Variants in SNTG1 observed in about 807,000 individuals in gnomAD.
SNTG1 encodes the protein gamma-1-syntrophin.
A neutral mutation model predicts 74.7 loss-of-function variants in SNTG1; 39 were observed. That is an observed-to-expected ratio of 0.52 (90% CI 0.40 to 0.68). SNTG1 has a LOEUF of 0.68. Ranked by LOEUF, SNTG1 falls within the 30% of genes least tolerant of loss-of-function variation. SNTG1 has a pLI of 0.00. For synonymous variants in SNTG1, 254 were observed against 217.1 expected (o/e 1.17, Z -1.49); for missense variants, 685 against 609.5 (o/e 1.12, Z -1.30).
At chr8:50,115,226 G>T (rs920302217) in intron 1 of SNTG1, among the ~76,000 whole-genome samples, 3 of 152,014 alleles carry the variant, frequency 2.0e-5, no homozygotes, top group African/African-American at 7.2e-5. Flanking sequence ...GGAGAGAATG[G>T]TGATTAAATT....
At chr8:50,282,702 G>T (rs1296072830) in intron 2 of SNTG1, among the ~76,000 whole-genome samples, 1 of 152,058 alleles carries the variant, frequency 6.6e-6, no homozygotes, top group Non-Finnish European at 1.5e-5. Flanking sequence ...GGAGGCGGAG[G>T]TTGCAGTGAG....
intron 1 of SNTG1, among the ~76,000 whole-genome samples, chr8:50,067,454 A>T (rs1820988111): frequency 6.6e-6 from 1 of 152,146 alleles, no homozygotes; most frequent in African/African-American, 2.4e-5. Context: ...TCCATTTCTG[A>T]TGTGGGATTT....
intron 15 of SNTG1, among the ~76,000 whole-genome samples, chr8:50,702,648 T>G (rs1398733839): frequency 6.6e-6 from 1 of 152,190 alleles, no homozygotes; most frequent in Non-Finnish European, 1.5e-5. Flanking sequence ...TGCATAGATA[T>G]AGCATATATA....
chr8:50,119,972 T>C (rs190769612), intron 1 of SNTG1, among the ~76,000 whole-genome samples: 1 of 142,258 alleles, frequency 7.0e-6, no homozygotes, highest in Admixed American at 7.2e-5. Context: ...TTACTTATCA[T>C]CAGTTTTGTT....
Position 50,300,056 on chromosome 8 carries a change from CT to C in SNTG1, c.-27-94149del, listed in dbSNP as rs527428114. On this transcript the variant is annotated intron_variant, in intron 2 of 18. Coordinates refer to ENST00000642720, the MANE Select transcript of SNTG1 (RefSeq NM_018967.5). The stretch of plus-strand genomic sequence containing the variant: ...GCTGAATAAATTTATTTTTAAAACA[CT>C]TTTTTTGAGATTAGTTTTAGTATCT... Among the ~76,000 whole-genome samples the C allele has an allele frequency of 5.0e-3, 754 of 152,086 alleles. 9 individuals are homozygous for C. The highest frequency in any genetic ancestry group is 0.017 in the African/African-American group (717 of 41,508).
At chr8:50,550,919 C>T in intron 11 of SNTG1, among the ~76,000 whole-genome samples, 1 of 152,110 alleles carries the variant, frequency 6.6e-6, no homozygotes, top group Middle Eastern at 3.4e-3. Flanking sequence ...CTTGATGAGA[C>T]AATAATTCTA....
intron 2 of SNTG1, among the ~76,000 whole-genome samples, chr8:50,200,512 A>G (rs2083944373): frequency 6.6e-6 from 1 of 152,190 alleles, no homozygotes; most frequent in African/African-American, 2.4e-5. Context: ...CTGTGTGGAA[A>G]GATGTGTACT....
chr8:50,101,471 C>T (rs1417877637), intron 1 of SNTG1, among the ~76,000 whole-genome samples: 1 of 152,030 alleles, frequency 6.6e-6, no homozygotes, highest in Non-Finnish European at 1.5e-5. Flanking sequence ...TAATAACCAT[C>T]TGGCTGATGT....
chr8:50,440,791 C>T (rs1471621053), intron 5 of SNTG1, among the ~76,000 whole-genome samples: 1 of 152,172 alleles, frequency 6.6e-6, no homozygotes, highest in African/African-American at 2.4e-5. Flanking sequence ...GTATGTTAGA[C>T]AACTGAAAAG....
At chr8:50,358,369 G>A (rs1317097466) in intron 2 of SNTG1, among the ~76,000 whole-genome samples, 1 of 152,170 alleles carries the variant, frequency 6.6e-6, no homozygotes, top group Non-Finnish European at 1.5e-5. Context: ...ACAAGCAAAG[G>A]TCAGGACCAA....
At chr8:50,760,493 T>C (rs1257449639) in intron 18 of SNTG1, among the ~76,000 whole-genome samples, 1 of 151,994 alleles carries the variant, frequency 6.6e-6, no homozygotes, top group Non-Finnish European at 1.5e-5. Context: ...AAATAGCTCT[T>C]ATTATTTTGA....
chr8:50,345,431 C>G (rs1221736099), intron 2 of SNTG1, among the ~76,000 whole-genome samples: 1 of 152,220 alleles, frequency 6.6e-6, no homozygotes, highest in Non-Finnish European at 1.5e-5. Context: ...GAACCCTACT[C>G]TGCCCTCTTG....
At chr8:50,067,845 G>A (rs933975458) in intron 1 of SNTG1, among the ~76,000 whole-genome samples, 5 of 152,224 alleles carry the variant, frequency 3.3e-5, no homozygotes, top group African/African-American at 9.6e-5. Context: ...TGCAGTACTC[G>A]GGCACACAGC....
At chr8:50,521,584 C>T (rs967065292) in intron 9 of SNTG1, among the ~76,000 whole-genome samples, 3 of 152,090 alleles carry the variant, frequency 2.0e-5, no homozygotes, top group Non-Finnish European at 4.4e-5. Flanking sequence ...TGAAGTTTGT[C>T]ACATTCATTA....
chr8:50,086,002 C>T (rs527880761), intron 1 of SNTG1, among the ~76,000 whole-genome samples: 3 of 151,814 alleles, frequency 2.0e-5, no homozygotes, highest in Non-Finnish European at 2.9e-5. Context: ...ATGATGAGTT[C>T]ATACCCAGAT....
intron 5 of SNTG1, among the ~76,000 whole-genome samples, chr8:50,447,280 G>A (rs886353220): frequency 1.3e-5 from 2 of 152,170 alleles, no homozygotes; most frequent in African/African-American, 4.8e-5. Flanking sequence ...AATGGGTTCA[G>A]TAGCAGAATA....
At chr8:50,373,887 C>T (rs1292260414) in intron 2 of SNTG1, among the ~76,000 whole-genome samples, 1 of 152,144 alleles carries the variant, frequency 6.6e-6, no homozygotes, top group Non-Finnish European at 1.5e-5. Flanking sequence ...CCAAGGCTCC[C>T]ACCAACACCT....
chr8:50,115,567 C>CAAAA lies in SNTG1; in HGVS notation c.-102-56977_-102-56974dup, dbSNP rs11386539. Among the ~76,000 whole-genome samples, 11 of 40,532 alleles carry CAAAA rather than the reference C, an allele frequency of 2.7e-4. 1 individual carries two copies. The highest frequency in any genetic ancestry group is 7.3e-4 in the African/African-American group (11 of 14,976). 26.6% of individuals were successfully genotyped at this position (40,532 alleles called of 152,430 possible). ...TGGGTGACAGAGCGAGACTCTGTCT[C>CAAAA]AAAAAAAAAAAAAAAAAAAACGAGA... On this transcript the variant is annotated intron_variant, in intron 1 of 18. Coordinates refer to ENST00000642720, the MANE Select transcript of SNTG1 (RefSeq NM_018967.5).
chr8:50,014,294 C>T (rs1816102750), intron 1 of SNTG1, among the ~76,000 whole-genome samples: 1 of 152,032 alleles, frequency 6.6e-6, no homozygotes, highest in Non-Finnish European at 1.5e-5. Context: ...TTGATTTGAC[C>T]CACAGCTCAA....
Sources: allele counts gnomAD v4.1 joint callset (sites outside exome capture counted in the v4.1 genomes callset), GRCh38; gene constraint gnomAD v4.1.1; transcripts MANE v1.5; gene names NCBI Gene and HGNC (gene_info 2026-07-23, HGNC 2026-07-21).